MYPN: variants seen among roughly 807,000 people sequenced by gnomAD.
The protein encoded by MYPN is sarcomeric protein myopalladin, 145 kDa (MYOP).
In MYPN, 63 loss-of-function variants were observed where a neutral mutation model predicts 129.4. The observed-to-expected ratio is 0.49, with a 90% CI of 0.40 to 0.60. The LOEUF (loss-of-function observed/expected upper bound fraction) is 0.60. MYPN is among the 20% of genes least tolerant of loss of function. The pLI is 0.00. For synonymous variants in MYPN, 629 were observed against 600.9 expected (o/e 1.05, Z -0.68); for missense variants, 1,596 against 1,635.4 (o/e 0.98, Z 0.42).
upstream of MYPN, among the ~76,000 whole-genome samples, chr10:68,108,704 A>ATTTAT (rs2042041754): frequency 6.6e-6 from 1 of 151,902 alleles, no homozygotes; most frequent in East Asian, 1.9e-4. Context: ...TTTCAAGTTT[A>ATTTAT]TTTATTTATT....
Position 68,166,428 on chromosome 10 carries a change from G to A in MYPN, c.1735G>A (p.Glu579Lys), listed in dbSNP as rs374565483. 6.8e-6 allele frequency: 11 copies of A among 1,613,834 alleles called. No individual in the cohort carries two copies. Among genetic ancestry groups the A allele is most frequent in the Admixed American group, 1.7e-5 (1 of 59,980 alleles). Residue 579 changes from glutamate to lysine, a missense_variant, in exon 10 of 20, where the codon GAG becomes AAG. Glu to Lys is a moderately conservative substitution (Grantham distance 56). Coordinates refer to ENST00000358913, the MANE Select transcript of MYPN (RefSeq NM_032578.4). Reference sequence around the variant, plus strand: ...GGAACAACCCCCCAAACCCAAACTCGAGGGGGTTCTGGTGAACCACAATGA... The same window carrying A: ...GGAACAACCCCCCAAACCCAAACTCAAGGGGGTTCTGGTGAACCACAATGA... ...SVEQPPKPKL[E>K]GVLVNHNEPR...
At chr10:68,169,393 C>A (rs540439322) in intron 10 of MYPN, among the ~76,000 whole-genome samples, 358 of 150,886 alleles carry the variant, frequency 2.4e-3, no homozygotes, top group Non-Finnish European at 4.0e-3. Flanking sequence ...TGACTTCTCT[C>A]TCTAGGCCCC....
chr10:68,141,942 T>C (rs1031543686), intron 2 of MYPN, among the ~76,000 whole-genome samples: 2 of 152,216 alleles, frequency 1.3e-5, no homozygotes, highest in Non-Finnish European at 2.9e-5. Context: ...AGCAGCATAG[T>C]GTTCTGTTGT....
At chr10:68,163,694 A>G (rs1294842418) in intron 8 of MYPN, among the ~76,000 whole-genome samples, 1 of 152,218 alleles carries the variant, frequency 6.6e-6, no homozygotes, top group East Asian at 1.9e-4. Flanking sequence ...GATGCAAATC[A>G]ATTCTTAAAC....
chr10:68,174,421 G>A lies in MYPN; in HGVS notation c.2329G>A (p.Gly777Arg). 1.2e-6 allele frequency: 2 copies of A among 1,614,076 alleles called. No individual in the cohort carries two copies. The highest frequency in any genetic ancestry group is 1.7e-6 in the Non-Finnish European group (2 of 1,180,026). Reference sequence around the variant, plus strand: ...CTCTGTGCAAACCAAATCTCCAGGAGGGCTTTCCATCCAAAATGAGCCACT... The same window carrying A: ...CTCTGTGCAAACCAAATCTCCAGGAAGGCTTTCCATCCAAAATGAGCCACT... ...HPSVQTKSPGGLSIQNEPLPP... is the reference protein window; with the variant it reads ...HPSVQTKSPGRLSIQNEPLPP... Residue 777 changes from glycine to arginine, a missense_variant, in exon 11 of 20, where the codon GGG becomes AGG. Coordinates refer to ENST00000358913, the MANE Select transcript of MYPN (RefSeq NM_032578.4).
intron 2 of MYPN, among the ~76,000 whole-genome samples, chr10:68,124,903 A>T (rs548242934): frequency 6.6e-6 from 1 of 152,184 alleles, no homozygotes; most frequent in South Asian, 2.1e-4. Context: ...TGCTAGTGAG[A>T]TGTCACTACA....
chr10:68,197,080 A>G (rs2043619620), intron 15 of MYPN, among the ~76,000 whole-genome samples: 1 of 152,166 alleles, frequency 6.6e-6, no homozygotes. Context: ...AGGGGAGCTG[A>G]GCCCACTTAA....
intron 5 of MYPN, among the ~76,000 whole-genome samples, chr10:68,148,725 C>T (rs1415622380): frequency 6.6e-6 from 1 of 152,188 alleles, no homozygotes; most frequent in Non-Finnish European, 1.5e-5. Flanking sequence ...ATAAAGGGTG[C>T]TGATTACATA....
chr10:68,134,579 G>A (rs934298604), intron 2 of MYPN, among the ~76,000 whole-genome samples: 9 of 152,146 alleles, frequency 5.9e-5, no homozygotes, highest in South Asian at 4.1e-4. Context: ...GGTGGATCAC[G>A]AAGTCAAGAG....
At chr10:68,099,705 T>A (rs974439149) in intron 1 of MYPN, among the ~76,000 whole-genome samples, 5 of 152,202 alleles carry the variant, frequency 3.3e-5, no homozygotes, top group Non-Finnish European at 7.3e-5. Flanking sequence ...TATTATGTAT[T>A]GTTGCTTCAA....
chr10:68,207,347 T>C (rs1207449369), intron 19 of MYPN, among the ~76,000 whole-genome samples: 1 of 152,014 alleles, frequency 6.6e-6, no homozygotes, highest in Non-Finnish European at 1.5e-5. Flanking sequence ...AAGAGATAGA[T>C]TTTAAAAGTC....
chr10:68,097,829 A>T (rs1247476629), intron 1 of MYPN, among the ~76,000 whole-genome samples: 1 of 152,022 alleles, frequency 6.6e-6, no homozygotes, highest in Non-Finnish European at 1.5e-5. Context: ...TCAATTTCCA[A>T]ATTTTAAAAT....
At chr10:68,188,058 G>GT (rs1296373984) in intron 12 of MYPN, among the ~76,000 whole-genome samples, 1 of 151,974 alleles carries the variant, frequency 6.6e-6, no homozygotes, top group Non-Finnish European at 1.5e-5. Context: ...TTGTGAGGGG[G>GT]GCAGAGAGAT....
intron 12 of MYPN, among the ~76,000 whole-genome samples, chr10:68,178,773 T>C (rs2043268648): frequency 6.6e-6 from 1 of 151,698 alleles, no homozygotes; most frequent in African/African-American, 2.4e-5. Context: ...TGACAAATGA[T>C]TTTAATTCAT....
chr10:68,182,471 T>C (rs575147484), intron 12 of MYPN, among the ~76,000 whole-genome samples: 2,557 of 104,272 alleles, frequency 0.025, 122 homozygotes, highest in African/African-American at 0.062. Context: ...ATAACATATA[T>C]ACACACACAC....
chr10:68,148,726 T>C (rs1163312067), intron 5 of MYPN, among the ~76,000 whole-genome samples: 1 of 152,204 alleles, frequency 6.6e-6, no homozygotes, highest in Non-Finnish European at 1.5e-5. Flanking sequence ...TAAAGGGTGC[T>C]GATTACATAT....
At chr10:68,175,593 T>C (rs1238706792) in intron 12 of MYPN, 132 bp downstream of exon 12, 3 of 976,840 alleles carry the variant, frequency 3.1e-6, no homozygotes, top group South Asian at 1.4e-5. Context: ...GAGCACAGAC[T>C]AACCAAAGGT....
intron 2 of MYPN, among the ~76,000 whole-genome samples, chr10:68,127,789 C>G (rs2042349622): frequency 6.6e-6 from 1 of 152,060 alleles, no homozygotes; most frequent in Non-Finnish European, 1.5e-5. Flanking sequence ...AGAGGATTTC[C>G]TTAAAAAATA....
At chr10:68,103,516 C>T (rs2041991882), upstream of MYPN, among the ~76,000 whole-genome samples, 1 of 152,100 alleles carries the variant, frequency 6.6e-6, no homozygotes, top group Admixed American at 6.6e-5. Flanking sequence ...TTTAACAATC[C>T]CATTGCCCAT....
Sources: gnomAD v4.1 joint callset for allele counts (sites outside exome capture counted in the v4.1 genomes callset) on GRCh38, gnomAD v4.1.1 for gene constraint, MANE v1.5 for transcripts, NCBI Gene and HGNC (gene_info 2026-07-23, HGNC 2026-07-21) for gene names.